Variants in OSBP2 observed in about 807,000 individuals in gnomAD.
OSBP2 encodes oxysterol binding protein 2.
A neutral mutation model predicts 96.0 loss-of-function variants in OSBP2; 66 were observed. The observed-to-expected ratio is 0.69, with a 90% CI of 0.56 to 0.84. OSBP2 has a LOEUF of 0.84. Among genes scored for constraint, OSBP2 ranks in the 40% least tolerant of loss-of-function variants. The pLI, the probability that OSBP2 is intolerant of heterozygous loss-of-function variation, is 0.00. For missense variants in OSBP2, 1,038 were observed against 1,222.7 expected, an observed-to-expected ratio of 0.85 and a Z score of 2.25; for synonymous variants, 525 against 520.9, an observed-to-expected ratio of 1.01 and a Z score of -0.11.
Position 30,695,290 on chromosome 22 carries a change from C to T in OSBP2, c.381C>T (p.Leu127=). The T allele has an allele frequency of 6.2e-7, 1 of 1,613,452 alleles. No homozygotes were observed. The highest frequency in any genetic ancestry group is 8.5e-7 in the Non-Finnish European group (1 of 1,180,024). ...TCACTAAGGCCGCATCGGAGCCGCTCTCCCGGGCGGTGGGGAGCGCGACCT... is the reference window on the plus strand; with the variant it reads ...TCACTAAGGCCGCATCGGAGCCGCTTTCCCGGGCGGTGGGGAGCGCGACCT... The part of the protein sequence containing the change: ...GPFTKAASEP[L]SRAVGSATFL... Residue 127 remains leucine (L), a synonymous_variant, in exon 1 of 14, where the codon CTC becomes CTT. Coordinates refer to ENST00000332585, the MANE Select transcript of OSBP2 (RefSeq NM_030758.4).
intron 2 of OSBP2, among the ~76,000 whole-genome samples, chr22:30,778,491 T>C (rs1338005227): frequency 6.6e-6 from 1 of 152,128 alleles, no homozygotes; most frequent in Non-Finnish European, 1.5e-5. Context: ...CGTCCAGTGG[T>C]TGGACACTTG....
chr22:30,883,779 C>T (rs533848893), intron 3 of OSBP2, among the ~76,000 whole-genome samples: 2 of 63,476 alleles, frequency 3.2e-5, no homozygotes, highest in East Asian at 3.6e-3. Context: ...AGAGGGATAC[C>T]GTCCCCCTGC....
chr22:30,827,522 G>C (rs2146994503), intron 2 of OSBP2, among the ~76,000 whole-genome samples: 1 of 152,290 alleles, frequency 6.6e-6, no homozygotes, highest in Middle Eastern at 3.4e-3. Context: ...TTAGTAGTAG[G>C]ATCCTTTCTA....
At chr22:30,847,347 C>T (rs181451033) in intron 2 of OSBP2, among the ~76,000 whole-genome samples, 1 of 151,400 alleles carries the variant, frequency 6.6e-6, no homozygotes, top group African/African-American at 2.4e-5. Flanking sequence ...AGTGGCATGA[C>T]CTCGGCTCAC....
At chr22:30,744,398 G>A (rs2089974365) in intron 2 of OSBP2, among the ~76,000 whole-genome samples, 1 of 152,058 alleles carries the variant, frequency 6.6e-6, no homozygotes, top group Non-Finnish European at 1.5e-5. Context: ...GTTATCCCGG[G>A]GCCTGTTTTC....
intron 12 of OSBP2, chr22:30,902,126 G>GAAAAAAAAAAAAAAA (rs35391426): frequency 5.9e-4 from 74 of 126,078 alleles, no homozygotes; most frequent in Non-Finnish European, 7.1e-4. Flanking sequence ...AAAAAAAAAC[G>GAAAAAAAAAAAAAAA]AAAAAAAAAA....
intron 2 of OSBP2, among the ~76,000 whole-genome samples, chr22:30,787,877 C>T (rs1219871481): frequency 1.3e-5 from 2 of 152,064 alleles, no homozygotes; most frequent in African/African-American, 2.4e-5. Context: ...CTGGTACTCT[C>T]GGAGCAAGGC....
intron 2 of OSBP2, among the ~76,000 whole-genome samples, chr22:30,807,340 G>A (rs2090942273): frequency 1.3e-5 from 2 of 152,174 alleles, no homozygotes; most frequent in Admixed American, 6.5e-5. Context: ...TGCTGCCACT[G>A]CCCTGATTGG....
intron 2 of OSBP2, among the ~76,000 whole-genome samples, chr22:30,835,103 C>T (rs2038605632): frequency 6.6e-6 from 1 of 152,036 alleles, no homozygotes; most frequent in African/African-American, 2.4e-5. Flanking sequence ...CATGCCTGGC[C>T]TGTCTTTCAT....
intron 2 of OSBP2, among the ~76,000 whole-genome samples, chr22:30,783,259 A>G (rs2090544121): frequency 1.3e-5 from 2 of 148,460 alleles, no homozygotes; most frequent in Admixed American, 6.7e-5. Context: ...CCCCGAAGAC[A>G]TAAAATACCA....
At chr22:30,730,774 C>CTCTCTCTATA (rs1569100458) in intron 1 of OSBP2, among the ~76,000 whole-genome samples, 4 of 13,834 alleles carry the variant, frequency 2.9e-4, no homozygotes, top group African/African-American at 8.6e-4. Flanking sequence ...CTCTCTCTCT[C>CTCTCTCTATA]TATATATATA....
At chr22:30,716,779 G>A (rs2089463713) in intron 1 of OSBP2, among the ~76,000 whole-genome samples, 1 of 152,064 alleles carries the variant, frequency 6.6e-6, no homozygotes, top group Admixed American at 6.6e-5. Flanking sequence ...TTTTGTTGTT[G>A]AGTTGTAGAA....
At chr22:30,774,915 G>T (rs2090409131) in intron 2 of OSBP2, among the ~76,000 whole-genome samples, 1 of 152,138 alleles carries the variant, frequency 6.6e-6, no homozygotes, top group Non-Finnish European at 1.5e-5. Context: ...TTATGGAAAA[G>T]ATCTAACATT....
intron 1 of OSBP2, among the ~76,000 whole-genome samples, chr22:30,712,889 G>A (rs1214258266): frequency 6.6e-6 from 1 of 151,884 alleles, no homozygotes; most frequent in Non-Finnish European, 1.5e-5. Flanking sequence ...AGGAGCCCTG[G>A]TTTTTTGGTT....
At position 30,758,719 on chromosome 22, in the gene OSBP2, G is replaced by A. The variant is rs185212829; in HGVS notation, c.853+17350G>A. ...CAGAGGAATCCATGCACACCAGTAG[G>A]AAGAGCTCTGGGCCCAAGAAGTGAG... is the stretch of plus-strand genomic sequence containing the variant. On this transcript the variant is annotated intron_variant, in intron 2 of 13. Coordinates refer to ENST00000332585, the MANE Select transcript of OSBP2 (RefSeq NM_030758.4). Among the ~76,000 whole-genome samples, 362 of 152,236 alleles carry A rather than the reference G, an allele frequency of 2.4e-3. 1 individual carries two copies. The highest frequency in any genetic ancestry group is 8.4e-3 in the African/African-American group (350 of 41,542).
intron 2 of OSBP2, among the ~76,000 whole-genome samples, chr22:30,744,799 C>T (rs1189253836): frequency 6.6e-6 from 1 of 151,916 alleles, no homozygotes; most frequent in Non-Finnish European, 1.5e-5. Context: ...TAAATCAACT[C>T]TTAGGTGCTA....
At chr22:30,902,749 A>G (rs1235806213) in intron 12 of OSBP2, 2 of 457,712 alleles carry the variant, frequency 4.4e-6, no homozygotes, top group African/African-American at 4.1e-5. Flanking sequence ...TGCCAGACCC[A>G]GAGTGGAATT....
chr22:30,802,526 G>T (rs1379866063), intron 2 of OSBP2, among the ~76,000 whole-genome samples: 4 of 152,358 alleles, frequency 2.6e-5, no homozygotes, highest in African/African-American at 9.6e-5. Flanking sequence ...AGCCTCGATT[G>T]GGGCGCGATA....
chr22:30,837,510 TGAA>T (rs1452942972), intron 2 of OSBP2, among the ~76,000 whole-genome samples: 3 of 152,284 alleles, frequency 2.0e-5, no homozygotes, highest in East Asian at 1.9e-4. Flanking sequence ...CTGCACTGTG[TGAA>T]GAAGAAACTA....
Sources: gnomAD v4.1 joint callset for allele counts (sites outside exome capture counted in the v4.1 genomes callset) on GRCh38, gnomAD v4.1.1 for gene constraint, MANE v1.5 for transcripts, NCBI Gene and HGNC (gene_info 2026-07-23, HGNC 2026-07-21) for gene names.